ROCK2: variants seen among roughly 807,000 people sequenced by gnomAD.
ROCK2 encodes Rho associated coiled-coil containing protein kinase 2.
In ROCK2, 61 loss-of-function variants were observed where a neutral mutation model predicts 195.1. The observed-to-expected ratio is 0.31, with a 90% CI of 0.25 to 0.39. The LOEUF (loss-of-function observed/expected upper bound fraction) is 0.39. ROCK2 is among the 10% of genes least tolerant of loss of function. The pLI, the probability that ROCK2 is intolerant of heterozygous loss-of-function variation, is 1.00. For missense variants in ROCK2, 1,109 were observed against 1,637.4 expected (o/e 0.68, Z 5.57); for synonymous variants, 504 against 545.5 (o/e 0.92, Z 1.06).
rs187956658 is a variant in ROCK2 at position 11,257,292 on chromosome 2, G to A, written c.325-7494C>T. On this transcript the variant is annotated intron_variant, in intron 3 of 32. Transcript: ENST00000315872. ...TGTGGAGTCCCTGCTGGCCCTGTGG[G>A]GCTTAGAGCTGCGGGCGACGGCAGA... Among the ~76,000 whole-genome samples the A allele has an allele frequency of 6.6e-5, 10 of 151,326 alleles. No individual in the cohort carries two copies. In the East Asian group the frequency reaches 1.7e-3, roughly 26 times the overall value.
At chr2:11,213,618 T>C (rs1248539529) in intron 17 of ROCK2, among the ~76,000 whole-genome samples, 1 of 94,652 alleles carries the variant, frequency 1.1e-5, no homozygotes, top group Non-Finnish European at 2.7e-5. Flanking sequence ...ACTCCCACTC[T>C]ATACTCCAGA....
chr2:11,279,413 G>T (rs956075133), intron 3 of ROCK2, among the ~76,000 whole-genome samples: 2 of 152,120 alleles, frequency 1.3e-5, no homozygotes, highest in African/African-American at 4.8e-5. Flanking sequence ...TCAAAGCAAG[G>T]AAAGTTACCA....
rs557783980 is a variant in ROCK2 at position 11,284,896 on chromosome 2, A to G, written c.324+1643T>C. ...TGGCTCATCACCTAAAATCATCCTCATTATACTTCAGGTTTAACTCATTTG... is the reference window on the plus strand; with the variant it reads ...TGGCTCATCACCTAAAATCATCCTCGTTATACTTCAGGTTTAACTCATTTG... On this transcript the variant is annotated intron_variant, in intron 3 of 32. Coordinates refer to ENST00000315872, the MANE Select transcript of ROCK2 (RefSeq NM_004850.5). Among the ~76,000 whole-genome samples, 3 of 152,242 alleles carry G rather than the reference A, an allele frequency of 2.0e-5. No individual in the cohort carries two copies. The South Asian group carries it at 6.2e-4, about 32-fold the overall frequency.
Position 11,201,956 on chromosome 2 carries a change from C to T in ROCK2, c.2619+96G>A, listed in dbSNP as rs997766800. On this transcript the variant is annotated intron_variant, in intron 21 of 32. Transcript: ENST00000315872. The surrounding 1 kb of genome is among the most constrained non-coding windows in gnomAD (Gnocchi z 4.6). ...CTCTTAAACTATCTACATTCTTTTG[C>T]CCAGCTGCTCTTTTTATATGAGTTG... The T allele has an allele frequency of 2.3e-6, 2 of 879,940 alleles. No homozygotes were observed. Among genetic ancestry groups the T allele is most frequent in the African/African-American group, 3.3e-5 (2 of 60,460 alleles). The allele number at this position is 879,940 out of a possible 1,614,324, so 54.5% of individuals were successfully genotyped here.
At chr2:11,274,455 T>C (rs148385712) in intron 3 of ROCK2, among the ~76,000 whole-genome samples, 222 of 152,040 alleles carry the variant, frequency 1.5e-3, no homozygotes, top group African/African-American at 5.0e-3. Context: ...TTTACGAAAA[T>C]TAAAATGATT....
chr2:11,290,880 C>T lies in ROCK2; in HGVS notation c.142-3144G>A, dbSNP rs114512769. ...GCCCAAGTTTCATATGAATCTGCAT[C>T]ACTAGATAGGTCAGACACAGCTTTC... On this transcript the variant is annotated intron_variant, in intron 1 of 32. Coordinates refer to ENST00000315872, the MANE Select transcript of ROCK2 (RefSeq NM_004850.5). Among the ~76,000 whole-genome samples the T allele has an allele frequency of 3.8e-3, 586 of 152,228 alleles. 1 individual carries two copies. Among genetic ancestry groups the T allele is most frequent in the African/African-American group, 0.013 (529 of 41,536 alleles).
At chr2:11,224,939 C>T (rs80317979) in intron 6 of ROCK2, among the ~76,000 whole-genome samples, 1,600 of 152,148 alleles carry the variant, frequency 0.011, 35 homozygotes, top group African/African-American at 0.037. Context: ...AACACAATTC[C>T]CTAGTTATAC....
intron 32 of ROCK2, among the ~76,000 whole-genome samples, chr2:11,185,151 T>TC (rs1247320260): frequency 2.6e-5 from 4 of 152,218 alleles, no homozygotes; most frequent in African/African-American, 9.6e-5. Context: ...GGTCAGATTG[T>TC]CAGCTCAGTT....
chr2:11,193,184 GAAAA>G (rs1663497736), intron 30 of ROCK2, among the ~76,000 whole-genome samples: 1 of 152,074 alleles, frequency 6.6e-6, no homozygotes, highest in African/African-American at 2.4e-5. Flanking sequence ...AGTTGAGAGA[GAAAA>G]GAAAGAGGAA....
chr2:11,307,674 C>G (rs116137719), intron 1 of ROCK2, among the ~76,000 whole-genome samples: 3,448 of 152,272 alleles, frequency 0.023, 50 homozygotes, highest in Non-Finnish European at 0.034. Flanking sequence ...ACCAACACTT[C>G]TGAAAATGAA....
rs948380968 is a variant in ROCK2 at position 11,197,001 on chromosome 2, TA to T, written c.3448+178del. On this transcript the variant is annotated intron_variant, in intron 27 of 32. Coordinates refer to ENST00000315872, the MANE Select transcript of ROCK2 (RefSeq NM_004850.5). This position sits in a 1 kb window ranked among gnomAD's most constrained non-coding sequence, Gnocchi z 4.9. The stretch of plus-strand genomic sequence containing the variant: ...TTTTGTATGTTTATGAAAAACTTTG[TA>T]AAAAAAATCAATAAATAAAATAAGT... 3.9e-5 allele frequency among the ~76,000 whole-genome samples: 6 copies of T among 152,172 alleles called. No homozygotes were observed. The East Asian group carries it at 5.8e-4, about 15-fold the overall frequency.
At chr2:11,260,199 G>A (rs1666174679) in intron 3 of ROCK2, among the ~76,000 whole-genome samples, 2 of 151,248 alleles carry the variant, frequency 1.3e-5, no homozygotes, top group Admixed American at 1.3e-4. Flanking sequence ...TGTAATCCCA[G>A]CACTTTGGGA....
chr2:11,278,657 G>C (rs1288432626), intron 3 of ROCK2, among the ~76,000 whole-genome samples: 2 of 152,108 alleles, frequency 1.3e-5, no homozygotes, highest in Non-Finnish European at 2.9e-5. Context: ...CTGTCGCCCA[G>C]CCTGAACTGC....
intron 1 of ROCK2, among the ~76,000 whole-genome samples, chr2:11,334,320 G>A (rs1270536806): frequency 6.6e-6 from 1 of 151,976 alleles, no homozygotes; most frequent in African/African-American, 2.4e-5. Flanking sequence ...AGACCATCCT[G>A]GCCAACATGG....
chr2:11,197,945 A>C lies in ROCK2; in HGVS notation c.3100-240T>G, dbSNP rs1412572859. The stretch of plus-strand genomic sequence containing the variant: ...TCGTGTTTTCTGAGAATTATAATTT[A>C]AATATTTATAGAATTGATCTGATGT... On this transcript the variant is annotated intron_variant, in intron 25 of 32. Transcript: ENST00000315872. This position sits in a 1 kb window ranked among gnomAD's most constrained non-coding sequence, Gnocchi z 4.9. Among the ~76,000 whole-genome samples, 1 of 152,240 alleles carries C rather than the reference A, an allele frequency of 6.6e-6. No individual in the cohort carries two copies. The highest frequency in any genetic ancestry group is 2.4e-5 in the African/African-American group (1 of 41,470).
At chr2:11,247,054 C>CATGA (rs1665641554) in intron 4 of ROCK2, among the ~76,000 whole-genome samples, 1 of 152,154 alleles carries the variant, frequency 6.6e-6, no homozygotes, top group Non-Finnish European at 1.5e-5. Context: ...CATGCTATAA[C>CATGA]ATGAATGAAT....
intron 32 of ROCK2, among the ~76,000 whole-genome samples, chr2:11,190,154 GACC>G (rs1434209826): frequency 1.3e-5 from 2 of 151,956 alleles, no homozygotes; most frequent in Non-Finnish European, 2.9e-5. Flanking sequence ...TTATAAATGT[GACC>G]ACCTTTATGT....
intron 28 of ROCK2, among the ~76,000 whole-genome samples, 173 bp downstream of exon 28, chr2:11,194,782 C>A (rs1232331155): frequency 6.6e-6 from 1 of 151,738 alleles, no homozygotes; most frequent in Non-Finnish European, 1.5e-5. Context: ...GGTATGAGGA[C>A]AAAAATTTTT....
intron 3 of ROCK2, among the ~76,000 whole-genome samples, chr2:11,252,862 G>A (rs902632809): frequency 4.0e-5 from 6 of 151,852 alleles, no homozygotes; most frequent in African/African-American, 1.5e-4. Context: ...GTTGATGGGT[G>A]CAGCAAACCA....
Sources: allele counts gnomAD v4.1 joint callset (sites outside exome capture counted in the v4.1 genomes callset), GRCh38; gene constraint gnomAD v4.1.1; non-coding constraint Gnocchi (gnomAD v3.1); transcripts MANE v1.5; gene names NCBI Gene and HGNC (gene_info 2026-07-23, HGNC 2026-07-21).